ASB14: variants seen among roughly 807,000 people sequenced by gnomAD.
The protein encoded by ASB14 is ankyrin repeat and SOCS box containing 14, also known as ankyrin repeat and SOCS box protein 14.
ASB14 carries 63 observed loss-of-function variants against 55.6 expected under a neutral mutation model. The observed-to-expected ratio is 1.13, with a 90% CI of 0.92 to 1.40. The LOEUF (loss-of-function observed/expected upper bound fraction) is 1.40, where lower values mean the gene tolerates loss of function less well. Ranked by LOEUF, ASB14 falls within the 40% of genes most tolerant of loss-of-function variation. ASB14 has a pLI of 0.00. For missense variants in ASB14, 724 were observed against 710.4 expected (o/e 1.02, Z -0.22); for synonymous variants, 256 against 259.9 (o/e 0.98, Z 0.15).
chr3:57,273,965 T>TC (rs1260103411), intron 10 of ASB14, among the ~76,000 whole-genome samples: 30 of 152,324 alleles, frequency 2.0e-4, no homozygotes, highest in African/African-American at 7.2e-4. Flanking sequence ...TTATATAATT[T>TC]ATCTGATATA....
intron 2 of ASB14, among the ~76,000 whole-genome samples, chr3:57,289,678 C>G (rs541348018): frequency 1.9e-4 from 27 of 145,236 alleles, no homozygotes; most frequent in Middle Eastern, 3.6e-3. Context: ...AGGATTGTCA[C>G]CTTCCATTCT....
chr3:57,289,246 C>T, intron 2 of ASB14, 123 bp from the exon 3 acceptor site: 3 of 664,154 alleles, frequency 4.5e-6, no homozygotes, highest in Non-Finnish European at 7.8e-6. Flanking sequence ...TCATAGGAGG[C>T]AATGACTGAG....
At chr3:57,276,952 C>T (rs1488197619) in intron 9 of ASB14, among the ~76,000 whole-genome samples, 2 of 152,092 alleles carry the variant, frequency 1.3e-5, no homozygotes, top group Non-Finnish European at 2.9e-5. Context: ...TGGATCTGGC[C>T]TGTGAGATCT....
chr3:57,290,158 C>T (rs2061117363), intron 2 of ASB14, among the ~76,000 whole-genome samples: 1 of 152,164 alleles, frequency 6.6e-6, no homozygotes, highest in Admixed American at 6.5e-5. Flanking sequence ...AATTTATTAT[C>T]TTACAGTTTA....
rs771633599 is a variant in ASB14, at chr3:57,288,072, C to G, written c.311-13G>C. On this transcript the variant is annotated splice_polypyrimidine_tract_variant and intron_variant, in intron 4 of 10. Coordinates refer to ENST00000487349, the MANE Select transcript of ASB14 (RefSeq NM_001142733.3). ...CTGGGGTCTGAAGCTGAAATAAATT[C>G]ATCATACCACACAAATTAAGATATA... 2.6e-6 allele frequency: 4 copies of G among 1,536,550 alleles called. 1 individual carries two copies. In the South Asian group the frequency reaches 3.6e-5, roughly 14 times the overall value.
At position 57,288,176 on chromosome 3, in the gene ASB14, T is replaced by A. The variant is rs1047290161; in HGVS notation, c.289A>T (p.Ile97Phe). Residue 97 changes from isoleucine (I) to phenylalanine (F), a missense_variant, in exon 4 of 11, where the codon ATT (isoleucine) becomes TTT (phenylalanine). Coordinates refer to ENST00000487349, the MANE Select transcript of ASB14 (RefSeq NM_001142733.3). ...TTACCGCTTAGGGTTATTTCCAAAA[T>A]TTTCCTATTTAATTGCACTGCAGCC... Reference protein sequence around the residue: ...HKAAVQLNRKILEITLSASDP... With the variant: ...HKAAVQLNRKFLEITLSASDP... The A allele has an allele frequency of 2.5e-5, 39 of 1,536,930 alleles. No individual in the cohort carries two copies. The highest frequency in any genetic ancestry group is 1.7e-4 in the Middle Eastern group (1 of 6,012).
In ASB14 at chr3:57,283,256, G is replaced by A. The variant is rs1005512535; in HGVS notation, c.653C>T (p.Thr218Ile). Residue 218 changes from threonine (T) to isoleucine (I), a missense_variant, in exon 6 of 11, where the codon ACT becomes ATT. Thr to Ile is a moderately conservative substitution (Grantham distance 89). Coordinates refer to ENST00000487349, the MANE Select transcript of ASB14 (RefSeq NM_001142733.3). ...ACTTTGGGCAGCAAGAGCAAGAGGAGTGAATCCATACGTGCTCTGTGGGTC... is the reference window on the plus strand; with the variant it reads ...ACTTTGGGCAGCAAGAGCAAGAGGAATGAATCCATACGTGCTCTGTGGGTC... ...HPDPQSTYGF[T>I]PLALAAQSGH... 6.4e-7 allele frequency: 1 copy of A among 1,551,972 alleles called. No individual in the cohort carries two copies. Among genetic ancestry groups the A allele is most frequent in the African/African-American group, 1.4e-5 (1 of 73,050 alleles).
intron 3 of ASB14, 42 bp downstream of exon 3, chr3:57,289,026 C>T (rs1284138056): frequency 1.5e-5 from 21 of 1,406,698 alleles, no homozygotes; most frequent in East Asian, 7.5e-5. Flanking sequence ...CCAATGTCAC[C>T]GTCACATCTT....
intron 10 of ASB14, chr3:57,273,376 A>T (rs1480742367): frequency 6.6e-6 from 1 of 152,626 alleles, no homozygotes; most frequent in Admixed American, 6.5e-5. Flanking sequence ...TTGTCACAAT[A>T]GGTATATACT....
rs1170752007 is a variant in ASB14, at chr3:57,283,193, C to A, written c.715+1G>T. The A allele has an allele frequency of 6.4e-7, 1 of 1,552,200 alleles. No homozygotes were observed. The highest frequency in any genetic ancestry group is 8.7e-7 in the Non-Finnish European group (1 of 1,147,026). Reference sequence around the variant, plus strand: ...TGTGCTGACCAAACAGAAGATCTTGCCTTTCCGCAGTAACATTTCCATGAT... The same window carrying A: ...TGTGCTGACCAAACAGAAGATCTTGACTTTCCGCAGTAACATTTCCATGAT... On this transcript the variant is annotated splice_donor_variant, in intron 6 of 10. Coordinates refer to ENST00000487349, the MANE Select transcript of ASB14 (RefSeq NM_001142733.3). LOFTEE classifies it high-confidence loss of function.
In ASB14 at chr3:57,269,568, G is replaced by A. The variant is rs751227683; in HGVS notation, c.*73C>T. ...CTTGGAAGAACAAAGTCGGTTGATA[G>A]CTGCTTCCAGTAGACCAAACCAAGC... On this transcript the variant is annotated 3_prime_UTR_variant, in exon 11 of 11. Transcript: ENST00000487349. 1 of 1,614,014 alleles carries A rather than the reference G, an allele frequency of 6.2e-7. No homozygotes were observed. The highest frequency in any genetic ancestry group is 1.1e-5 in the South Asian group (1 of 91,034).
intron 7 of ASB14, among the ~76,000 whole-genome samples, chr3:57,279,677 G>A (rs1225857019): frequency 6.6e-6 from 1 of 151,976 alleles, no homozygotes; most frequent in Non-Finnish European, 1.5e-5. Context: ...CAGCCTGGCT[G>A]CAGGAGTTCA....
chr3:57,289,742 G>C (rs2107630665), intron 2 of ASB14, among the ~76,000 whole-genome samples: 1 of 133,380 alleles, frequency 7.5e-6, no homozygotes, highest in East Asian at 2.7e-4. Flanking sequence ...GCCCAGACTG[G>C]AGTGCAGTGG....
rs2060988104 is a variant in ASB14, at chr3:57,276,527, C to G, written c.*22+1G>C. 1.9e-6 allele frequency: 3 copies of G among 1,577,210 alleles called. No homozygotes were observed. In the South Asian group the frequency reaches 3.5e-5, roughly 18 times the overall value. On this transcript the variant is annotated splice_donor_variant, in intron 10 of 10. Coordinates refer to ENST00000487349, the MANE Select transcript of ASB14 (RefSeq NM_001142733.3). LOFTEE classifies it low-confidence loss of function (3UTR_SPLICE). Reference sequence around the variant, plus strand: ...TAAGGAATACAGCTGCAAAATTATACCTTTTCCATTAGAATGGTTTGATTA... The same window carrying G: ...TAAGGAATACAGCTGCAAAATTATAGCTTTTCCATTAGAATGGTTTGATTA...
intron 6 of ASB14, among the ~76,000 whole-genome samples, chr3:57,282,604 T>TC (rs1276665193): frequency 6.6e-6 from 1 of 152,148 alleles, no homozygotes; most frequent in African/African-American, 2.4e-5. Flanking sequence ...CTCACTTTCC[T>TC]CAAGTATAAA....
chr3:57,278,308 A>G lies in ASB14; in HGVS notation c.1431+69T>C, dbSNP rs1006332546. The G allele has an allele frequency of 3.1e-6, 4 of 1,288,678 alleles. No individual in the cohort carries two copies. The African/African-American group carries it at 4.4e-5, about 14-fold the overall frequency. The allele number at this position is 1,288,678 out of a possible 1,614,324, so 79.8% of individuals were successfully genotyped here. ...CCTCTGGAGAGAGTGGATGTAATCT[A>G]TTTATTGCCATAGTTCCAGGGCCAC... On this transcript the variant is annotated intron_variant, in intron 8 of 10. Transcript: ENST00000487349.
rs762483666 is a variant in ASB14, at chr3:57,274,224, A to G, written c.*22+2304T>C. 2.5e-4 allele frequency among the ~76,000 whole-genome samples: 38 copies of G among 152,254 alleles called. 1 individual carries two copies. Among genetic ancestry groups the G allele is most frequent in the Non-Finnish European group, 4.8e-4 (33 of 68,042 alleles). ...CTATCTAATTCTTTTAAAAAGTACC[A>G]AGACTAAACATGTAAACATCAAGGC... On this transcript the variant is annotated intron_variant, in intron 10 of 10. Transcript: ENST00000487349.
At chr3:57,291,825 T>G in intron 2 of ASB14, 87 bp downstream of exon 2, 2 of 1,201,378 alleles carry the variant, frequency 1.7e-6, no homozygotes, top group Non-Finnish European at 2.2e-6. Flanking sequence ...CTCCTGTTTT[T>G]GTCACAACAC....
intron 5 of ASB14, among the ~76,000 whole-genome samples, chr3:57,286,400 T>G (rs2061081189): frequency 7.1e-6 from 1 of 140,938 alleles, no homozygotes; most frequent in Admixed American, 6.9e-5. Flanking sequence ...ATTATTTATT[T>G]CTACATGTTA....
Sources: gnomAD v4.1 joint callset for allele counts (sites outside exome capture counted in the v4.1 genomes callset) on GRCh38, gnomAD v4.1.1 for gene constraint, MANE v1.5 for transcripts, NCBI Gene and HGNC (gene_info 2026-07-23, HGNC 2026-07-21) for gene names.